The following DIS3L variants were observed in gnomAD, a reference collection of about 807,000 sequenced individuals.
The protein encoded by DIS3L is DIS3 like exosome 3'-5' exoribonuclease.
DIS3L carries 100 observed loss-of-function variants against 120.3 expected under a neutral mutation model. The ratio of observed to expected loss-of-function variants is 0.83; its 90% CI spans 0.71 to 0.98. The LOEUF (loss-of-function observed/expected upper bound fraction) is 0.98. Ranked by LOEUF, DIS3L falls within the 50% of genes least tolerant of loss-of-function variation. The pLI is 0.00. For synonymous variants in DIS3L, 426 were observed against 470.6 expected, an observed-to-expected ratio of 0.91 and a Z score of 1.23; for missense variants, 1,196 against 1,314.2, an observed-to-expected ratio of 0.91 and a Z score of 1.39.
At chr15:66,313,843 G>A (rs570771120) in intron 5 of DIS3L, among the ~76,000 whole-genome samples, 196 bp from the exon 6 acceptor site, 1 of 149,240 alleles carries the variant, frequency 6.7e-6, no homozygotes, top group Non-Finnish European at 1.5e-5. Flanking sequence ...AAGTGTATAT[G>A]TGTGTGCGTA....
intron 2 of DIS3L, among the ~76,000 whole-genome samples, chr15:66,304,811 G>C (rs2092685940): frequency 6.8e-6 from 1 of 146,148 alleles, no homozygotes; most frequent in Non-Finnish European, 1.5e-5. Flanking sequence ...TGGGGCAGGA[G>C]AATCACTTGA....
intron 12 of DIS3L, among the ~76,000 whole-genome samples, chr15:66,326,736 T>G (rs1308492180): frequency 6.6e-6 from 1 of 150,944 alleles, no homozygotes; most frequent in East Asian, 2.0e-4. Context: ...CACGCCACCA[T>G]GCCTGGCTAA....
chr15:66,329,798 G>C, intron 14 of DIS3L: 2 of 925,288 alleles, frequency 2.2e-6, no homozygotes, highest in Non-Finnish European at 1.3e-6. Flanking sequence ...TGTAGTCCCA[G>C]TTACTTGGGA....
rs1478676543 is a variant in DIS3L at position 66,318,384 on chromosome 15, TG to T, written c.995-63del. The T allele has an allele frequency of 4.6e-6, 7 of 1,532,724 alleles. No individual in the cohort carries two copies. The Admixed American group carries it at 1.3e-4, about 29-fold the overall frequency. 94.9% of individuals were successfully genotyped at this position (1,532,724 alleles called of 1,614,324 possible). On this transcript the variant is annotated intron_variant, in intron 7 of 16. Transcript: ENST00000319212. ...TTGTTCTTTTCCTTACTGCTTGAGG[TG>T]GTCAGAGTCCAGATAGATGGCACCT...
intron 2 of DIS3L, among the ~76,000 whole-genome samples, chr15:66,302,113 A>G (rs993132251): frequency 6.6e-6 from 1 of 152,162 alleles, no homozygotes; most frequent in Non-Finnish European, 1.5e-5. Flanking sequence ...GCTCACGCCC[A>G]GCACGTTGGG....
In DIS3L at chr15:66,297,832, G is replaced by T. The variant is rs1045658163; in HGVS notation, c.293+2691G>T. Reference sequence around the variant, plus strand: ...TTTGACTCCCTCCTGAATTCCTTCTGTATAGCTTCAGAGAGTCTCCATATT... The same window carrying T: ...TTTGACTCCCTCCTGAATTCCTTCTTTATAGCTTCAGAGAGTCTCCATATT... On this transcript the variant is annotated intron_variant, in intron 2 of 16. Transcript: ENST00000319212. Among the ~76,000 whole-genome samples the T allele has an allele frequency of 7.9e-5, 12 of 152,180 alleles. 1 individual carries two copies. The East Asian group carries it at 2.3e-3, about 29-fold the overall frequency.
At chr15:66,325,744 GAGCA>G in intron 11 of DIS3L, 83 bp from the exon 12 acceptor site, 1 of 1,458,248 alleles carries the variant, frequency 6.9e-7, no homozygotes, top group South Asian at 1.4e-5. Context: ...CTGGGTGACA[GAGCA>G]AGATCCTGTC....
chr15:66,323,630 G>A (rs1169286751), intron 11 of DIS3L, 45 bp downstream of exon 11: 1 of 1,592,044 alleles, frequency 6.3e-7, no homozygotes, highest in Non-Finnish European at 8.6e-7. Context: ...TGGCCCTTCT[G>A]TGGCTCCTGA....
rs1172847961 is a variant in DIS3L, at chr15:66,333,246, A to G, written c.3099A>G (p.Leu1033=). The change falls in exon 17 of 17, where the codon CTA becomes CTG. Residue 1033 remains leucine (L), a synonymous_variant. Coordinates refer to ENST00000319212, the MANE Select transcript of DIS3L (RefSeq NM_001143688.3). The part of the protein sequence containing the change: ...QEYRQTKGRS[L]YTLLEEIRDL... ...ATCGCCAAACAAAGGGAAGGAGCCTATACACACTTCTAGAGGAGATACGGG... is the reference window on the plus strand; with the variant it reads ...ATCGCCAAACAAAGGGAAGGAGCCTGTACACACTTCTAGAGGAGATACGGG... 2 of 1,614,124 alleles carry G rather than the reference A, an allele frequency of 1.2e-6. No individual in the cohort carries two copies. The highest frequency in any genetic ancestry group is 4.5e-5 in the East Asian group (2 of 44,886).
At chr15:66,294,007 C>T (rs1350799815) in intron 1 of DIS3L, 22 of 989,420 alleles carry the variant, frequency 2.2e-5, no homozygotes, top group Admixed American at 6.1e-5. Context: ...TGCCGGAGGC[C>T]GGGTGGTTTG....
rs2092877324 is a variant in DIS3L at position 66,320,981 on chromosome 15, A to G, written c.1326+249A>G. 6.6e-6 allele frequency among the ~76,000 whole-genome samples: 1 copy of G among 152,180 alleles called. No homozygotes were observed. Among genetic ancestry groups the G allele is most frequent in the Non-Finnish European group, 1.5e-5 (1 of 68,030 alleles). ...TATTTTCCAACTGGGCTTAAAAATG[A>G]TATGTCAGTGTCTCATAGTCAGTAT... On this transcript the variant is annotated intron_variant, in intron 9 of 16. Coordinates refer to ENST00000319212, the MANE Select transcript of DIS3L (RefSeq NM_001143688.3).
chr15:66,324,924 T>TAAATA (rs1566955828), intron 11 of DIS3L, among the ~76,000 whole-genome samples: 2 of 152,200 alleles, frequency 1.3e-5, no homozygotes, highest in East Asian at 3.8e-4. Flanking sequence ...ACCTTTTTTT[T>TAAATA]AAATAAAATG....
At chr15:66,302,799 C>T (rs2092662755) in intron 2 of DIS3L, among the ~76,000 whole-genome samples, 2 of 152,158 alleles carry the variant, frequency 1.3e-5, no homozygotes, top group South Asian at 4.1e-4. Flanking sequence ...TGCCAAGTAG[C>T]ATAGCTTTAT....
chr15:66,318,552 G>C lies in DIS3L; in HGVS notation c.1098G>C (p.Leu366=). The change falls in exon 8 of 17, where the codon CTG becomes CTC. Residue 366 remains leucine (L), a synonymous_variant. Coordinates refer to ENST00000319212, the MANE Select transcript of DIS3L (RefSeq NM_001143688.3). ...QSQGKNAQKI[L]VTPWDYRIPK... ...AGGGCAAAAATGCTCAGAAAATCCTGGTTACACCTTGGGATTACAGAATTC... is the reference window on the plus strand; with the variant it reads ...AGGGCAAAAATGCTCAGAAAATCCTCGTTACACCTTGGGATTACAGAATTC... The C allele has an allele frequency of 6.2e-7, 1 of 1,613,932 alleles. No individual in the cohort carries two copies. Among genetic ancestry groups the C allele is most frequent in the Non-Finnish European group, 8.5e-7 (1 of 1,179,996 alleles).
chr15:66,325,152 G>A (rs1439406425), intron 11 of DIS3L, among the ~76,000 whole-genome samples: 5 of 152,158 alleles, frequency 3.3e-5, no homozygotes, highest in Non-Finnish European at 7.3e-5. Context: ...CTAGCACTTC[G>A]GGAGGCCAAG....
At chr15:66,331,048 G>A (rs2092993316) in intron 14 of DIS3L, among the ~76,000 whole-genome samples, 1 of 152,104 alleles carries the variant, frequency 6.6e-6, no homozygotes, top group Non-Finnish European at 1.5e-5. Flanking sequence ...CCAGCTAATC[G>A]GGCGGCTGAG....
chr15:66,316,534 A>C (rs1234533164), intron 7 of DIS3L, among the ~76,000 whole-genome samples: 1 of 152,094 alleles, frequency 6.6e-6, no homozygotes, highest in Non-Finnish European at 1.5e-5. Context: ...AAGTGAGTTG[A>C]GCTGGGTGCT....
intron 2 of DIS3L, among the ~76,000 whole-genome samples, chr15:66,299,571 G>A (rs2092625452): frequency 6.6e-6 from 1 of 150,958 alleles, no homozygotes; most frequent in South Asian, 2.1e-4. Context: ...AGGGATTACT[G>A]GGCCAGGTAG....
chr15:66,295,994 G>A (rs747597586), intron 2 of DIS3L, among the ~76,000 whole-genome samples: 4 of 152,044 alleles, frequency 2.6e-5, no homozygotes, highest in Non-Finnish European at 4.4e-5. Flanking sequence ...CTTATTATAT[G>A]CTCAGTTCAA....
Sources: gnomAD v4.1 joint callset for allele counts (sites outside exome capture counted in the v4.1 genomes callset) on GRCh38, gnomAD v4.1.1 for gene constraint, MANE v1.5 for transcripts, NCBI Gene and HGNC (gene_info 2026-07-23, HGNC 2026-07-21) for gene names.